DDX60L: variants seen among roughly 807,000 people sequenced by gnomAD.
DDX60L encodes the protein probable ATP-dependent RNA helicase DDX60-like.
Under a neutral mutation model 211.6 loss-of-function variants are expected in DDX60L, and 191 were observed. That is an observed-to-expected ratio of 0.90 (90% confidence interval 0.80 to 1.02). The LOEUF is 1.02. Among genes scored for constraint, DDX60L ranks in the 50% least tolerant of loss-of-function variants. The pLI is 0.00. For missense variants in DDX60L, 2,007 were observed against 1,984.1 expected, an observed-to-expected ratio of 1.01 and a Z score of -0.22; for synonymous variants, 706 against 694.1, an observed-to-expected ratio of 1.02 and a Z score of -0.27.
At chr4:168,451,100 A>G (rs1361950339) in intron 8 of DDX60L, among the ~76,000 whole-genome samples, 3 of 152,182 alleles carry the variant, frequency 2.0e-5, no homozygotes, top group Non-Finnish European at 4.4e-5. Context: ...TCTACCATCT[A>G]TCTTCACCAC....
chr4:168,396,127 AC>A lies in DDX60L; in HGVS notation c.3492-4del. On this transcript the variant is annotated splice_polypyrimidine_tract_variant and splice_region_variant and intron_variant, in intron 26 of 37. Transcript: ENST00000682922. ...CCTTCTTTGGGTTTTTTTTAGTGCT[AC>A]TATTTAAAAAAAAAAAAAAACTTTT... 1 of 1,278,636 alleles carries A rather than the reference AC, an allele frequency of 7.8e-7. No individual in the cohort carries two copies. Among genetic ancestry groups the A allele is most frequent in the Non-Finnish European group, 1.0e-6 (1 of 957,770 alleles). 79.2% of individuals were successfully genotyped at this position (1,278,636 alleles called of 1,614,324 possible).
intron 4 of DDX60L, among the ~76,000 whole-genome samples, chr4:168,466,317 G>A (rs948437975): frequency 2.6e-5 from 4 of 151,984 alleles, no homozygotes; most frequent in Admixed American, 2.0e-4. Flanking sequence ...ATCAAGAAGA[G>A]GGAAGACACA....
intron 8 of DDX60L, among the ~76,000 whole-genome samples, chr4:168,452,895 C>T (rs1251263859): frequency 6.6e-6 from 1 of 151,998 alleles, no homozygotes; most frequent in Non-Finnish European, 1.5e-5. Context: ...TATACAAAAA[C>T]AAGATCTCAT....
At position 168,415,639 on chromosome 4, in the gene DDX60L, T is replaced by C. The variant is rs1246796054; in HGVS notation, c.2869+18A>G. The C allele has an allele frequency of 2.6e-6, 4 of 1,511,392 alleles. No individual in the cohort carries two copies. Among genetic ancestry groups the C allele is most frequent in the African/African-American group, 2.8e-5 (2 of 70,528 alleles). The allele number at this position is 1,511,392 out of a possible 1,614,324, so 93.6% of individuals were successfully genotyped here. A position where few individuals can be genotyped will look rare whatever the true frequency, so the allele number is the denominator to read the frequency against. The stretch of plus-strand genomic sequence containing the variant: ...AAATATAAAAATATATAGTAAAACA[T>C]AAAAAAAATAAGCTTACCAAGTCTA... On this transcript the variant is annotated intron_variant, in intron 21 of 37. Coordinates refer to ENST00000682922, the MANE Select transcript of DDX60L (RefSeq NM_001012967.3).
At chr4:168,420,123 T>G in intron 18 of DDX60L, 138 bp downstream of exon 18, 1 of 750,838 alleles carries the variant, frequency 1.3e-6, no homozygotes, top group Non-Finnish European at 2.0e-6. Flanking sequence ...TAAATTTTCC[T>G]TAGAGCAATT....
At chr4:168,476,515 CAG>C (rs577287564) in intron 1 of DDX60L, among the ~76,000 whole-genome samples, 2 of 151,882 alleles carry the variant, frequency 1.3e-5, no homozygotes, top group East Asian at 3.9e-4. Flanking sequence ...TAAGAACTAA[CAG>C]AGAATAGCGA....
At chr4:168,417,040 T>C (rs2149847685) in intron 19 of DDX60L, among the ~76,000 whole-genome samples, 1 of 152,288 alleles carries the variant, frequency 6.6e-6, no homozygotes, top group East Asian at 1.9e-4. Context: ...GCTATGTTTT[T>C]CTCTCCATTT....
At position 168,361,162 on chromosome 4, in the gene DDX60L, T is replaced by A. The variant is rs759995006; in HGVS notation, c.4978A>T (p.Ile1660Phe). Residue 1660 changes from isoleucine (I) to phenylalanine (F), a missense_variant, in exon 37 of 38, where the codon ATT (isoleucine) becomes TTT (phenylalanine). Transcript: ENST00000682922. ...CATGAAACATACCTGATAGCCTGAA[T>A]GTTGAATGCAAAATCTTTCAAACAC... is the stretch of plus-strand genomic sequence containing the variant. ...LKCLKDFAFNIQAISDSLSEL... is the reference protein window; with the variant it reads ...LKCLKDFAFNFQAISDSLSEL... 8 of 1,607,724 alleles carry A rather than the reference T, an allele frequency of 5.0e-6. No individual in the cohort carries two copies. The highest frequency in any genetic ancestry group is 6.8e-6 in the Non-Finnish European group (8 of 1,175,706).
At chr4:168,447,650 G>A (rs1016891990) in intron 9 of DDX60L, among the ~76,000 whole-genome samples, 7 of 151,652 alleles carry the variant, frequency 4.6e-5, no homozygotes, top group Admixed American at 2.6e-4. Context: ...ATGATAGACT[G>A]GATTAAGAAA....
At chr4:168,433,611 A>C (rs963512605) in intron 10 of DDX60L, among the ~76,000 whole-genome samples, 1 of 152,194 alleles carries the variant, frequency 6.6e-6, no homozygotes, top group Non-Finnish European at 1.5e-5. Flanking sequence ...TATGGTTTAC[A>C]TGCTGAATAT....
intron 14 of DDX60L, among the ~76,000 whole-genome samples, chr4:168,424,111 AC>A (rs1399418962): frequency 6.6e-6 from 1 of 152,222 alleles, no homozygotes; most frequent in Non-Finnish European, 1.5e-5. Flanking sequence ...TAACACAATA[AC>A]CCACATATTA....
Position 168,420,241 on chromosome 4 carries a change from C to A in DDX60L, c.2514+20G>T. On this transcript the variant is annotated intron_variant, in intron 18 of 37. Coordinates refer to ENST00000682922, the MANE Select transcript of DDX60L (RefSeq NM_001012967.3). The stretch of plus-strand genomic sequence containing the variant: ...CTGCTCTATAATTTGATAATAAACT[C>A]ATTAATTAATATGTCATACCTGACA... The A allele has an allele frequency of 6.5e-7, 1 of 1,535,638 alleles. No homozygotes were observed. Among genetic ancestry groups the A allele is most frequent in the South Asian group, 1.2e-5 (1 of 81,036 alleles).
intron 1 of DDX60L, chr4:168,476,266 G>C (rs2150163851): frequency 6.6e-6 from 1 of 152,230 alleles, no homozygotes; most frequent in African/African-American, 2.4e-5. Flanking sequence ...TGAGAAGTTT[G>C]TCTTTACAGA....
Position 168,391,664 on chromosome 4 carries a change from AC to A in DDX60L, c.3811-21del. ...CACTACCTAGGAAAAAAAAAAAAAA[AC>A]AGTCAATACACAATATAGCATATCT... is the stretch of plus-strand genomic sequence containing the variant. On this transcript the variant is annotated intron_variant, in intron 28 of 37. Coordinates refer to ENST00000682922, the MANE Select transcript of DDX60L (RefSeq NM_001012967.3). 2 of 1,279,454 alleles carry A rather than the reference AC, an allele frequency of 1.6e-6. No individual in the cohort carries two copies. The highest frequency in any genetic ancestry group is 2.2e-6 in the Non-Finnish European group (2 of 917,976). 79.3% of individuals were successfully genotyped at this position (1,279,454 alleles called of 1,614,324 possible). A position where few individuals can be genotyped will look rare whatever the true frequency, so the allele number is the denominator to read the frequency against.
chr4:168,363,835 C>T (rs984803532), intron 36 of DDX60L, among the ~76,000 whole-genome samples: 6 of 152,132 alleles, frequency 3.9e-5, no homozygotes, highest in African/African-American at 1.4e-4. Context: ...AACAAAATGG[C>T]AGATGTAAGT....
At position 168,357,326 on chromosome 4, in the gene DDX60L, T is replaced by C. The variant is rs1364053308; in HGVS notation, c.*821A>G. On this transcript the variant is annotated 3_prime_UTR_variant, in exon 38 of 38. Coordinates refer to ENST00000682922, the MANE Select transcript of DDX60L (RefSeq NM_001012967.3). Reference sequence around the variant, plus strand: ...TAACTACTCCAAGTGACTGTTTTAGTCAATTCAGACTGCTTCAACAGAAAA... The same window carrying C: ...TAACTACTCCAAGTGACTGTTTTAGCCAATTCAGACTGCTTCAACAGAAAA... The C allele has an allele frequency of 6.6e-6, 1 of 152,218 alleles. No individual in the cohort carries two copies. The highest frequency in any genetic ancestry group is 2.4e-5 in the African/African-American group (1 of 41,462). 9.4% of individuals were successfully genotyped at this position (152,218 alleles called of 1,614,324 possible).
intron 29 of DDX60L, 56 bp from the exon 30 acceptor site, chr4:168,384,868 G>T: frequency 6.6e-7 from 1 of 1,514,474 alleles, no homozygotes; most frequent in Non-Finnish European, 9.0e-7. Flanking sequence ...ATCCTATGAA[G>T]TCCAAAGATT....
At chr4:168,377,336 AAAT>A (rs1278453721) in intron 33 of DDX60L, among the ~76,000 whole-genome samples, 31 of 130,142 alleles carry the variant, frequency 2.4e-4, no homozygotes, top group South Asian at 7.0e-4. Flanking sequence ...ATAAATAAAT[AAAT>A]AAAAATATCT....
intron 14 of DDX60L, among the ~76,000 whole-genome samples, chr4:168,424,645 G>A (rs1205937388): frequency 6.6e-6 from 1 of 152,112 alleles, no homozygotes; most frequent in Non-Finnish European, 1.5e-5. Context: ...TAGAAGCAGT[G>A]TTATGTGAGC....
Sources: allele counts gnomAD v4.1 joint callset (sites outside exome capture counted in the v4.1 genomes callset), GRCh38; gene constraint gnomAD v4.1.1; transcripts MANE v1.5; gene names NCBI Gene and HGNC (gene_info 2026-07-23, HGNC 2026-07-21).